GUCY1B1: variants seen among roughly 807,000 people sequenced by gnomAD.
The protein encoded by GUCY1B1 is guanylate cyclase 1 soluble subunit beta 1.
A neutral mutation model predicts 71.0 loss-of-function variants in GUCY1B1; 43 were observed. The observed-to-expected ratio is 0.61, with a 90% CI of 0.47 to 0.78. GUCY1B1 has a LOEUF of 0.78. GUCY1B1 is among the 30% of genes least tolerant of loss of function. GUCY1B1 has a pLI of 0.00. For missense variants in GUCY1B1, 535 were observed against 754.1 expected, an observed-to-expected ratio of 0.71 and a Z score of 3.40; for synonymous variants, 266 against 259.7, an observed-to-expected ratio of 1.02 and a Z score of -0.23.
At chr4:155,787,069 CA>C (rs750555506) in intron 4 of GUCY1B1, among the ~76,000 whole-genome samples, 9 of 151,830 alleles carry the variant, frequency 5.9e-5, no homozygotes, top group Non-Finnish European at 1.0e-4. Flanking sequence ...TTTTCTTTCA[CA>C]AAATGTTTCA....
Position 155,793,144 on chromosome 4 carries a change from C to T in GUCY1B1, c.496-712C>T, listed in dbSNP as rs183899243. Among the ~76,000 whole-genome samples, 684 of 152,118 alleles carry T rather than the reference C, an allele frequency of 4.5e-3. 3 individuals are homozygous for T. Among genetic ancestry groups the T allele is most frequent in the African/African-American group, 0.016 (654 of 41,512 alleles). On this transcript the variant is annotated intron_variant, in intron 5 of 13. Transcript: ENST00000264424. ...AGGCTGGAATGCAATGGCATGATCT[C>T]GTCTCACTACAACCTCTGCCTCCCC...
intron 4 of GUCY1B1, among the ~76,000 whole-genome samples, chr4:155,778,669 TTACTAAAC>T (rs1738216695): frequency 6.6e-6 from 1 of 152,218 alleles, no homozygotes; most frequent in African/African-American, 2.4e-5. Flanking sequence ...TGCCATGGAT[TTACTAAAC>T]TACTGGTGTC....
rs1739487362 is a variant in GUCY1B1 at position 155,795,523 on chromosome 4, G to A, written c.843+66G>A. The stretch of plus-strand genomic sequence containing the variant: ...TCACAAATTAGAAGTATTCAGGGGG[G>A]AAAATTATCACATTCTCTGAGAAAG... On this transcript the variant is annotated intron_variant, in intron 7 of 13. Coordinates refer to ENST00000264424, the MANE Select transcript of GUCY1B1 (RefSeq NM_000857.5). 14 of 748,710 alleles carry A rather than the reference G, an allele frequency of 1.9e-5. No individual in the cohort carries two copies. In the South Asian group the frequency reaches 2.3e-4, roughly 12 times the overall value. 46.4% of individuals were successfully genotyped at this position (748,710 alleles called of 1,614,324 possible). A position where few individuals can be genotyped will look rare whatever the true frequency, so the allele number is the denominator to read the frequency against.
chr4:155,759,439 C>T (rs1736797986), intron 1 of GUCY1B1: 1 of 532,094 alleles, frequency 1.9e-6, no homozygotes, highest in Non-Finnish European at 3.3e-6. Context: ...CGGCTCTGGC[C>T]GGCCCCACCA....
At chr4:155,792,565 G>A (rs996064034) in intron 5 of GUCY1B1, among the ~76,000 whole-genome samples, 1 of 149,622 alleles carries the variant, frequency 6.7e-6, no homozygotes, top group African/African-American at 2.5e-5. Flanking sequence ...ATATCTAAAA[G>A]AATATATACA....
chr4:155,805,973 A>ACC (rs1027939073), intron 13 of GUCY1B1, among the ~76,000 whole-genome samples: 1 of 152,090 alleles, frequency 6.6e-6, no homozygotes, highest in Non-Finnish European at 1.5e-5. Context: ...ATACTTTGTT[A>ACC]CCCTGTTGAT....
intron 6 of GUCY1B1, among the ~76,000 whole-genome samples, chr4:155,794,823 T>G (rs775908033): frequency 2.6e-5 from 4 of 152,292 alleles, no homozygotes; most frequent in East Asian, 3.9e-4. Flanking sequence ...AACTTATTAC[T>G]TCACTTCTCT....
In GUCY1B1 at chr4:155,766,183, T is replaced by C. The variant is rs553247256; in HGVS notation, c.77+6323T>C. The stretch of plus-strand genomic sequence containing the variant: ...TCCAAAGAATAGAGCACACACATAT[T>C]TTTATCAAAGATTCTTCTCTGCAAC... On this transcript the variant is annotated intron_variant, in intron 2 of 13. Transcript: ENST00000264424. Among the ~76,000 whole-genome samples the C allele has an allele frequency of 7.2e-5, 11 of 152,298 alleles. No individual in the cohort carries two copies. In the South Asian group the frequency reaches 2.1e-3, roughly 29 times the overall value.
At chr4:155,801,911 C>A (rs2111169754) in intron 9 of GUCY1B1, among the ~76,000 whole-genome samples, 1 of 152,296 alleles carries the variant, frequency 6.6e-6, no homozygotes, top group Non-Finnish European at 1.5e-5. Context: ...AGACATATTT[C>A]TTATTCTAAG....
intron 13 of GUCY1B1, 111 bp downstream of exon 13, chr4:155,805,340 A>G: frequency 1.1e-6 from 1 of 911,652 alleles, no homozygotes; most frequent in Non-Finnish European, 1.6e-6. Context: ...TTGCTAACAG[A>G]AATTAACTTC....
intron 4 of GUCY1B1, 76 bp downstream of exon 4, chr4:155,777,718 T>G: frequency 1.3e-6 from 1 of 764,698 alleles, no homozygotes; most frequent in South Asian, 1.5e-5. Flanking sequence ...ATACTTTTGT[T>G]CACTCAGCTG....
At chr4:155,790,826 G>A (rs1286725489) in intron 5 of GUCY1B1, among the ~76,000 whole-genome samples, 1 of 152,112 alleles carries the variant, frequency 6.6e-6, no homozygotes, top group Non-Finnish European at 1.5e-5. Flanking sequence ...ATTTAATCTA[G>A]TAAAGTTATG....
In GUCY1B1 at chr4:155,774,059, A is replaced by G. The variant is rs182785126; in HGVS notation, c.78-909A>G. On this transcript the variant is annotated intron_variant, in intron 2 of 13. Transcript: ENST00000264424. ...TCCCTCCTCTGTCTTGTACCCCTTTAGTCTATTTTCAATGCAGTAGCCAGG... is the reference window on the plus strand; with the variant it reads ...TCCCTCCTCTGTCTTGTACCCCTTTGGTCTATTTTCAATGCAGTAGCCAGG... Among the ~76,000 whole-genome samples, 557 of 152,118 alleles carry G rather than the reference A, an allele frequency of 3.7e-3. 3 individuals carry two copies. The highest frequency in any genetic ancestry group is 0.013 in the African/African-American group (532 of 41,490).
At chr4:155,804,328 C>T (rs1171387602) in intron 11 of GUCY1B1, among the ~76,000 whole-genome samples, 1 of 151,974 alleles carries the variant, frequency 6.6e-6, no homozygotes. Flanking sequence ...CACATGGACA[C>T]AAGGAGGGGA....
At position 155,807,627 on chromosome 4, in the gene GUCY1B1, CATT is replaced by C. The variant is rs1190751401; in HGVS notation, c.*1222_*1224del. On this transcript the variant is annotated 3_prime_UTR_variant, in exon 14 of 14. Transcript: ENST00000264424. ...GTTTTTATTTCAATAAAAATATTAA[CATT>C]ATTTTTCATTTTATTAATGCCATTA... 26 of 152,022 alleles carry C rather than the reference CATT, an allele frequency of 1.7e-4. No homozygotes were observed. Among genetic ancestry groups the C allele is most frequent in the African/African-American group, 5.8e-4 (24 of 41,480 alleles). The allele number at this position is 152,022 out of a possible 1,614,324, so 9.4% of individuals were successfully genotyped here.
chr4:155,772,212 G>A (rs758198345), intron 2 of GUCY1B1, among the ~76,000 whole-genome samples: 4 of 152,080 alleles, frequency 2.6e-5, no homozygotes, highest in Non-Finnish European at 4.4e-5. Context: ...TTTATGTTTG[G>A]AAAAAGGGAG....
At chr4:155,775,903 G>T (rs1185468800) in intron 3 of GUCY1B1, among the ~76,000 whole-genome samples, 1 of 152,164 alleles carries the variant, frequency 6.6e-6, no homozygotes, top group African/African-American at 2.4e-5. Context: ...CTGGGCTATA[G>T]TTTGGATACA....
chr4:155,765,124 A>G (rs1737243859), intron 2 of GUCY1B1, among the ~76,000 whole-genome samples: 1 of 152,130 alleles, frequency 6.6e-6, no homozygotes, highest in Non-Finnish European at 1.5e-5. Context: ...GAAAATCTGT[A>G]TTCTCACTCT....
chr4:155,794,141 A>G lies in GUCY1B1; in HGVS notation c.726+55A>G, dbSNP rs554163967. The stretch of plus-strand genomic sequence containing the variant: ...TGAGACAAAAGCCCATAGAAATACT[A>G]TTGTTACAGGCAGCCATCCATTCAT... On this transcript the variant is annotated intron_variant, in intron 6 of 13. Transcript: ENST00000264424. 88 of 916,266 alleles carry G rather than the reference A, an allele frequency of 9.6e-5. No individual in the cohort carries two copies. The African/African-American group carries it at 1.2e-3, about 13-fold the overall frequency. 56.8% of individuals were successfully genotyped at this position (916,266 alleles called of 1,614,324 possible).
Sources: allele counts gnomAD v4.1 joint callset (sites outside exome capture counted in the v4.1 genomes callset), GRCh38; gene constraint gnomAD v4.1.1; transcripts MANE v1.5; gene names NCBI Gene and HGNC (gene_info 2026-07-23, HGNC 2026-07-21).